Variants in SLC24A2 observed in about 807,000 individuals in gnomAD.
The protein encoded by SLC24A2 is solute carrier family 24 member 2.
Under a neutral mutation model 62.0 loss-of-function variants are expected in SLC24A2, and 36 were observed. The observed-to-expected ratio is 0.58, with a 90% CI of 0.44 to 0.77. The LOEUF is 0.77. Ranked by LOEUF, SLC24A2 falls within the 30% of genes least tolerant of loss-of-function variation. SLC24A2 has a pLI of 0.00. For missense variants in SLC24A2, 846 were observed against 817.9 expected, an observed-to-expected ratio of 1.03 and a Z score of -0.42; for synonymous variants, 358 against 294.0, an observed-to-expected ratio of 1.22 and a Z score of -2.23.
At chr9:19,875,611 G>A in the SLC24A2 span, among the ~76,000 whole-genome samples, 1 of 152,146 alleles carries the variant, frequency 6.6e-6, no homozygotes, top group East Asian at 1.9e-4. Context: ...AAGACAGTGA[G>A]GGCCTTTGAG....
chr9:20,050,837 C>A, the SLC24A2 span, among the ~76,000 whole-genome samples: 32 of 152,168 alleles, frequency 2.1e-4, 1 homozygote, highest in South Asian at 6.4e-3. Flanking sequence ...TGTTTTACTG[C>A]CTGTTGTAAT....
intron 2 of SLC24A2, among the ~76,000 whole-genome samples, chr9:19,636,315 T>TTTCCTTCC (rs1554690361): frequency 1.5e-4 from 6 of 40,320 alleles, no homozygotes; most frequent in African/African-American, 5.8e-4. Context: ...TTTTCTTTTC[T>TTTCCTTCC]TTTCTTTCTT....
the SLC24A2 span, among the ~76,000 whole-genome samples, chr9:19,946,083 T>C: frequency 6.6e-6 from 1 of 152,148 alleles, no homozygotes; most frequent in East Asian, 1.9e-4. Flanking sequence ...CTGGTAAAAT[T>C]TCTTTGCTCG....
In SLC24A2 at chr9:19,513,188, A is replaced by ATATATATATATATATATG. The variant is rs1231507740; in HGVS notation, c.*2964_*2965insCATATATATATATATATA. ...TATATATATATATGTATATATATAT[A>ATATATATATATATATATG]TATGTATATATTTATATATGTATAT... is the stretch of plus-strand genomic sequence containing the variant. On this transcript the variant is annotated 3_prime_UTR_variant, in exon 11 of 11. Transcript: ENST00000341998. 1.3e-4 allele frequency: 18 copies of ATATATATATATATATATG among 140,418 alleles called. No individual in the cohort carries two copies. Among genetic ancestry groups the ATATATATATATATATATG allele is most frequent in the Non-Finnish European group, 2.3e-4 (15 of 65,782 alleles). 8.7% of individuals were successfully genotyped at this position (140,418 alleles called of 1,614,324 possible).
intron 2 of SLC24A2, among the ~76,000 whole-genome samples, chr9:19,678,178 G>C (rs1819614075): frequency 6.6e-6 from 1 of 152,242 alleles, no homozygotes; most frequent in Non-Finnish European, 1.5e-5. Context: ...GCCTAGCGCA[G>C]AGCAGGTGCT....
At chr9:20,089,425 A>G in the SLC24A2 span, among the ~76,000 whole-genome samples, 1 of 152,042 alleles carries the variant, frequency 6.6e-6, no homozygotes, top group African/African-American at 2.4e-5. Flanking sequence ...GTGCCACTGC[A>G]ATTGCAGTGC....
chr9:20,279,050 T>A, the SLC24A2 span, among the ~76,000 whole-genome samples: 1 of 152,120 alleles, frequency 6.6e-6, no homozygotes, highest in African/African-American at 2.4e-5. Context: ...GGGGAAAAGC[T>A]GCTTATAAAA....
intron 2 of SLC24A2, among the ~76,000 whole-genome samples, chr9:19,650,759 C>G (rs1818777132): frequency 6.6e-6 from 1 of 151,844 alleles, no homozygotes; most frequent in East Asian, 1.9e-4. Flanking sequence ...CAGAAACAAA[C>G]AGCAACTAGG....
At chr9:20,150,753 T>TTTTTC in the SLC24A2 span, among the ~76,000 whole-genome samples, 43 of 151,890 alleles carry the variant, frequency 2.8e-4, no homozygotes, top group Non-Finnish European at 5.3e-4. Context: ...ATGAAAAAGT[T>TTTTTC]ATACAACTAT....
the SLC24A2 span, among the ~76,000 whole-genome samples, chr9:19,922,507 T>C: frequency 6.6e-6 from 1 of 152,206 alleles, no homozygotes; most frequent in African/African-American, 2.4e-5. Flanking sequence ...TTCCATGGGA[T>C]TATCCTTGGG....
intron 10 of SLC24A2, 98 bp downstream of exon 10, chr9:19,520,796 C>G: frequency 7.1e-6 from 8 of 1,132,452 alleles, no homozygotes; most frequent in Non-Finnish European, 9.4e-6. Flanking sequence ...ATTGGTTAGT[C>G]TTAGGTTCAG....
chr9:19,665,763 C>T (rs997388218), intron 2 of SLC24A2, among the ~76,000 whole-genome samples: 2 of 152,008 alleles, frequency 1.3e-5, no homozygotes, highest in Non-Finnish European at 2.9e-5. Context: ...AGCTGGTACG[C>T]GCCACCATGC....
chr9:19,980,249 A>G, the SLC24A2 span, among the ~76,000 whole-genome samples: 1 of 152,216 alleles, frequency 6.6e-6, no homozygotes, highest in Non-Finnish European at 1.5e-5. Context: ...GAGGTGGGGC[A>G]TGTGATTCTG....
chr9:19,878,192 C>T, the SLC24A2 span, among the ~76,000 whole-genome samples: 1 of 152,068 alleles, frequency 6.6e-6, no homozygotes, highest in Non-Finnish European at 1.5e-5. Context: ...TGCCAAGCTG[C>T]CAGAATTTAG....
chr9:19,535,198 G>GA (rs1833899074), intron 8 of SLC24A2, among the ~76,000 whole-genome samples: 2 of 152,166 alleles, frequency 1.3e-5, no homozygotes, highest in South Asian at 4.2e-4. Context: ...CCCACTTTTT[G>GA]ATGGGGTTGT....
At chr9:19,534,031 T>C (rs1176330442) in intron 8 of SLC24A2, among the ~76,000 whole-genome samples, 1 of 152,192 alleles carries the variant, frequency 6.6e-6, no homozygotes, top group South Asian at 2.1e-4. Flanking sequence ...GGTTATCTCA[T>C]GCTTTCCTTA....
At chr9:19,889,007 A>T in the SLC24A2 span, among the ~76,000 whole-genome samples, 1 of 152,292 alleles carries the variant, frequency 6.6e-6, no homozygotes, top group South Asian at 2.1e-4. Flanking sequence ...CTGGCTCACG[A>T]GTCAGAGAAG....
the SLC24A2 span, among the ~76,000 whole-genome samples, chr9:20,275,181 T>C: frequency 1.3e-5 from 2 of 151,978 alleles, no homozygotes; most frequent in African/African-American, 2.4e-5. Flanking sequence ...AAAGTAAACA[T>C]AGACATAGAG....
At chr9:19,741,164 G>A (rs532378657) in intron 2 of SLC24A2, among the ~76,000 whole-genome samples, 1 of 152,184 alleles carries the variant, frequency 6.6e-6, no homozygotes, top group East Asian at 1.9e-4. Flanking sequence ...GTGTGCTATT[G>A]ATTCCGCTCT....
Sources: allele counts gnomAD v4.1 joint callset (sites outside exome capture counted in the v4.1 genomes callset), GRCh38; gene constraint gnomAD v4.1.1; transcripts MANE v1.5; gene names NCBI Gene and HGNC (gene_info 2026-07-23, HGNC 2026-07-21).